MYO6: variants seen among roughly 807,000 people sequenced by gnomAD.
The protein encoded by MYO6 is unconventional myosin-VI.
A neutral mutation model predicts 178.7 loss-of-function variants in MYO6; 74 were observed. The ratio of observed to expected loss-of-function variants is 0.41; its 90% CI spans 0.34 to 0.50. MYO6 has a LOEUF of 0.50. Ranked by LOEUF, MYO6 falls within the 20% of genes least tolerant of loss-of-function variation. The pLI, the probability that MYO6 is intolerant of heterozygous loss-of-function variation, is 0.09. For synonymous variants in MYO6, 477 were observed against 504.6 expected (o/e 0.95, Z 0.73); for missense variants, 1,330 against 1,547.4 (o/e 0.86, Z 2.36).
Position 75,817,326 on chromosome 6 carries a change from G to A in MYO6, c.-47-175G>A, listed in dbSNP as rs1280046. 8.0e-3 allele frequency among the ~76,000 whole-genome samples: 1,191 copies of A among 148,380 alleles called. 7 individuals are homozygous for A. Among genetic ancestry groups the A allele is most frequent in the Non-Finnish European group, 0.014 (934 of 67,604 alleles). Reference sequence around the variant, plus strand: ...TCTCAAAAAAAAAAAAAAAAAAGTAGATAAAGGGGGCAGAGTTCAGCAAGA... The same window carrying A: ...TCTCAAAAAAAAAAAAAAAAAAGTAAATAAAGGGGGCAGAGTTCAGCAAGA... On this transcript the variant is annotated intron_variant, in intron 1 of 34. Coordinates refer to ENST00000369977, the MANE Select transcript of MYO6 (RefSeq NM_004999.4).
chr6:75,892,330 G>C (rs1301469493), intron 27 of MYO6, among the ~76,000 whole-genome samples, 200 bp from the exon 28 acceptor site: 1 of 152,222 alleles, frequency 6.6e-6, no homozygotes, highest in Non-Finnish European at 1.5e-5. Context: ...TCTTGGGAAA[G>C]AGGCAAAATG....
At chr6:75,873,463 AT>A (rs1310034505) in intron 20 of MYO6, among the ~76,000 whole-genome samples, 163 bp downstream of exon 20, 1 of 152,218 alleles carries the variant, frequency 6.6e-6, no homozygotes, top group Admixed American at 6.5e-5. Context: ...ATAGAGCCAC[AT>A]GTGGTGGTGT....
chr6:75,886,727 A>C, intron 24 of MYO6, 117 bp from the exon 25 acceptor site: 2 of 972,376 alleles, frequency 2.1e-6, no homozygotes, highest in Non-Finnish European at 3.2e-6. Flanking sequence ...GAAAAAGAGA[A>C]TAGTAGATAA....
chr6:75,814,159 T>C (rs2150155709), intron 1 of MYO6, among the ~76,000 whole-genome samples: 1 of 152,278 alleles, frequency 6.6e-6, no homozygotes, highest in South Asian at 2.1e-4. Flanking sequence ...CAGTGGGGCT[T>C]GCTGAGATGA....
At chr6:75,887,296 C>T (rs546721153) in intron 25 of MYO6, among the ~76,000 whole-genome samples, 22 of 152,310 alleles carry the variant, frequency 1.4e-4, no homozygotes, top group African/African-American at 4.8e-4. Context: ...CCATGGCACA[C>T]GTTTACCTGT....
At chr6:75,907,473 C>A in intron 30 of MYO6, 132 bp from the exon 31 acceptor site, 1 of 714,128 alleles carries the variant, frequency 1.4e-6, no homozygotes, top group Non-Finnish European at 2.4e-6. Flanking sequence ...TCTCATCTGT[C>A]AAAGAAACAA....
intron 1 of MYO6, among the ~76,000 whole-genome samples, chr6:75,778,881 A>C (rs957144454): frequency 6.6e-6 from 1 of 151,640 alleles, no homozygotes; most frequent in Non-Finnish European, 1.5e-5. Flanking sequence ...CATAAATCCT[A>C]TCTCTACAAA....
intron 30 of MYO6, among the ~76,000 whole-genome samples, chr6:75,902,863 A>G (rs1779928893): frequency 2.0e-5 from 3 of 151,380 alleles, no homozygotes; most frequent in Non-Finnish European, 4.4e-5. Context: ...GTGGGCATTT[A>G]GTGCTATAAA....
chr6:75,911,112 C>T (rs1423152828), intron 32 of MYO6, among the ~76,000 whole-genome samples: 1 of 151,710 alleles, frequency 6.6e-6, no homozygotes, highest in Non-Finnish European at 1.5e-5. Context: ...TGGTCAGTGG[C>T]AAATCACCTA....
intron 20 of MYO6, among the ~76,000 whole-genome samples, chr6:75,875,532 C>G (rs910143751): frequency 6.6e-6 from 1 of 152,232 alleles, no homozygotes; most frequent in African/African-American, 2.4e-5. Flanking sequence ...AGTGATCCTC[C>G]TCCCTCAGCC....
chr6:75,901,040 T>C (rs1329486397), intron 30 of MYO6, among the ~76,000 whole-genome samples: 4 of 152,096 alleles, frequency 2.6e-5, no homozygotes, highest in Non-Finnish European at 4.4e-5. Context: ...GATCAGATAG[T>C]TGTAGATATA....
In MYO6 at chr6:75,791,168, C is replaced by T. The variant is rs577955332; in HGVS notation, c.-47-26333C>T. Among the ~76,000 whole-genome samples, 256 of 152,238 alleles carry T rather than the reference C, an allele frequency of 1.7e-3. 1 individual carries two copies. Among genetic ancestry groups the T allele is most frequent in the African/African-American group, 5.9e-3 (244 of 41,534 alleles). On this transcript the variant is annotated intron_variant, in intron 1 of 34. Transcript: ENST00000369977. ...CAGGATGGTCTTGATCTCCTGACCTCGTGATCCACCCACCTTGGCCTCCCA... is the reference window on the plus strand; with the variant it reads ...CAGGATGGTCTTGATCTCCTGACCTTGTGATCCACCCACCTTGGCCTCCCA...
chr6:75,784,494 C>T (rs2150062394), intron 1 of MYO6, among the ~76,000 whole-genome samples: 1 of 151,924 alleles, frequency 6.6e-6, no homozygotes, highest in East Asian at 2.0e-4. Context: ...GGGAAGTTTG[C>T]CCGGCGCGGT....
intron 1 of MYO6, among the ~76,000 whole-genome samples, 165 bp from the exon 2 acceptor site, chr6:75,817,336 G>A (rs1183761382): frequency 6.6e-6 from 1 of 151,938 alleles, no homozygotes; most frequent in African/African-American, 2.4e-5. Flanking sequence ...GATAAAGGGG[G>A]CAGAGTTCAG....
At chr6:75,898,446 A>G in intron 30 of MYO6, 35 bp downstream of exon 30, 1 of 1,551,272 alleles carries the variant, frequency 6.4e-7, no homozygotes. Context: ...ATAAGTGTTC[A>G]CCTCAAAATC....
In MYO6 at chr6:75,918,465, G is replaced by A. The variant is rs1432110546; in HGVS notation, c.*3453G>A. The A allele has an allele frequency of 6.6e-6, 1 of 152,186 alleles. No individual in the cohort carries two copies. Among genetic ancestry groups the A allele is most frequent in the Non-Finnish European group, 1.5e-5 (1 of 68,026 alleles). 9.4% of individuals were successfully genotyped at this position (152,186 alleles called of 1,614,324 possible). ...TCTACGAAATTTTAGAATGAATAAT[G>A]TGTAATTTATAGGATCAGAACGTAT... On this transcript the variant is annotated 3_prime_UTR_variant, in exon 35 of 35. Coordinates refer to ENST00000369977, the MANE Select transcript of MYO6 (RefSeq NM_004999.4).
At chr6:75,753,102 G>A (rs1312810692) in intron 1 of MYO6, among the ~76,000 whole-genome samples, 1 of 152,072 alleles carries the variant, frequency 6.6e-6, no homozygotes, top group Non-Finnish European at 1.5e-5. Context: ...ACAACAGTGA[G>A]CAAATAAGCC....
chr6:75,862,739 C>G lies in MYO6; in HGVS notation c.1674+16C>G, dbSNP rs1776308722. 3.1e-6 allele frequency: 5 copies of G among 1,613,306 alleles called. No homozygotes were observed. The highest frequency in any genetic ancestry group is 4.2e-6 in the Non-Finnish European group (5 of 1,179,392). ...TCGACTCACTGTGAGTTTTGCCATT[C>G]TGAAATTGAGACTATGGTGGGACGA... On this transcript the variant is annotated intron_variant, in intron 16 of 34. Transcript: ENST00000369977.
chr6:75,799,703 A>C (rs567710406), intron 1 of MYO6, among the ~76,000 whole-genome samples: 1 of 152,092 alleles, frequency 6.6e-6, no homozygotes, highest in East Asian at 1.9e-4. Flanking sequence ...ATGAAACAAG[A>C]TGGCTCTTGT....
Sources: allele counts gnomAD v4.1 joint callset (sites outside exome capture counted in the v4.1 genomes callset), GRCh38; gene constraint gnomAD v4.1.1; transcripts MANE v1.5; gene names NCBI Gene and HGNC (gene_info 2026-07-23, HGNC 2026-07-21).